CRACR2A: variants seen among roughly 807,000 people sequenced by gnomAD.
The protein encoded by CRACR2A is calcium release activated channel regulator 2A.
A neutral mutation model predicts 90.5 loss-of-function variants in CRACR2A; 79 were observed. The observed-to-expected ratio is 0.87, with a 90% CI of 0.73 to 1.05. The LOEUF (loss-of-function observed/expected upper bound fraction) is 1.05. Among genes scored for constraint, CRACR2A ranks in the 50% least tolerant of loss-of-function variants. The probability of loss-of-function intolerance (pLI) is 0.00; values close to 1 mark genes in which losing one functional copy is unlikely to be tolerated. For missense variants in CRACR2A, 823 were observed against 897.2 expected, an observed-to-expected ratio of 0.92 and a Z score of 1.06; for synonymous variants, 338 against 356.7, an observed-to-expected ratio of 0.95 and a Z score of 0.59.
intron 2 of CRACR2A, among the ~76,000 whole-genome samples, chr12:3,716,772 T>C (rs915855998): frequency 6.6e-6 from 1 of 152,198 alleles, no homozygotes; most frequent in Non-Finnish European, 1.5e-5. Context: ...TTGTTTTTGC[T>C]TCAATTTTAG....
intron 12 of CRACR2A, among the ~76,000 whole-genome samples, chr12:3,643,856 T>TATA (rs1478137267): frequency 5.9e-5 from 4 of 67,352 alleles, no homozygotes; most frequent in East Asian, 4.8e-4. Flanking sequence ...TATTATATAT[T>TATA]TATATTATAT....
chr12:3,710,947 GAC>G (rs1300797672), intron 3 of CRACR2A, among the ~76,000 whole-genome samples: 1 of 152,124 alleles, frequency 6.6e-6, no homozygotes, highest in East Asian at 1.9e-4. Flanking sequence ...GTTTTAAAGT[GAC>G]ACAGTTATTC....
intron 11 of CRACR2A, 66 bp from the exon 12 acceptor site, chr12:3,644,706 A>T (rs1243610723): frequency 6.8e-7 from 1 of 1,462,934 alleles, no homozygotes; most frequent in African/African-American, 1.4e-5. Flanking sequence ...AACGGCAGCC[A>T]ATTTGCTATT....
chr12:3,680,404 T>A (rs1456016462), intron 4 of CRACR2A, 55 bp from the exon 5 acceptor site: 1 of 1,499,912 alleles, frequency 6.7e-7, no homozygotes, highest in East Asian at 2.3e-5. Context: ...GTGGGGGAGG[T>A]GACCTGGGAC....
intron 18 of CRACR2A, 46 bp from the exon 19 acceptor site, chr12:3,617,076 G>A (rs1181967861): frequency 1.4e-6 from 2 of 1,430,652 alleles, no homozygotes; most frequent in Non-Finnish European, 1.9e-6. Context: ...GGAGTGAGAG[G>A]GGATTGTGGG....
intron 18 of CRACR2A, among the ~76,000 whole-genome samples, chr12:3,618,073 T>C (rs1022989220): frequency 6.6e-6 from 1 of 152,006 alleles, no homozygotes; most frequent in Admixed American, 6.6e-5. Flanking sequence ...GAAGACATGA[T>C]TTGCCTTCCT....
At chr12:3,639,757 G>C (rs1944529578) in intron 13 of CRACR2A, among the ~76,000 whole-genome samples, 1 of 152,158 alleles carries the variant, frequency 6.6e-6, no homozygotes, top group African/African-American at 2.4e-5. Flanking sequence ...GGGTGAATTA[G>C]TTTGGATTCC....
At position 3,633,719 on chromosome 12, in the gene CRACR2A, A is replaced by T; in HGVS notation, c.1620T>A (p.Ser540=). Reference sequence around the variant, plus strand: ...CAATCTTGAAGAGCCGGTCAGGGGCAGAGGGAGAGCTTTCCTCCTGTGGAT... The same window carrying T: ...CAATCTTGAAGAGCCGGTCAGGGGCTGAGGGAGAGCTTTCCTCCTGTGGAT... ...EALCKEESSP[S]APDRLFKIVF... Residue 540 remains serine, a synonymous_variant, in exon 15 of 20, where the codon TCT becomes TCA. Transcript: ENST00000440314. This position sits in a 1 kb window ranked among gnomAD's most constrained non-coding sequence, Gnocchi z 4.5. 1 of 1,551,724 alleles carries T rather than the reference A, an allele frequency of 6.4e-7. No individual in the cohort carries two copies. Among genetic ancestry groups the T allele is most frequent in the Non-Finnish European group, 8.7e-7 (1 of 1,146,996 alleles).
At chr12:3,742,899 G>A (rs1347006687) in intron 1 of CRACR2A, among the ~76,000 whole-genome samples, 1 of 152,210 alleles carries the variant, frequency 6.6e-6, no homozygotes, top group African/African-American at 2.4e-5. Flanking sequence ...TATCTGGGGA[G>A]GTCAGCTCTC....
Position 3,721,567 on chromosome 12 carries a change from A to G in CRACR2A, c.-117-8250T>C, listed in dbSNP as rs1946175788. Among the ~76,000 whole-genome samples the G allele has an allele frequency of 2.1e-5, 3 of 145,100 alleles. No homozygotes were observed. The Admixed American group carries it at 2.1e-4, about 10-fold the overall frequency. ...ACCACTGTACTCCAGTCTGGGCAAC[A>G]GAGTCTCAATCATGTCTCAAAAAAA... On this transcript the variant is annotated intron_variant, in intron 2 of 19. Coordinates refer to ENST00000440314, the MANE Select transcript of CRACR2A (RefSeq NM_001144958.2).
intron 17 of CRACR2A, among the ~76,000 whole-genome samples, chr12:3,625,919 A>T (rs1450015729): frequency 6.6e-6 from 1 of 152,140 alleles, no homozygotes; most frequent in Non-Finnish European, 1.5e-5. Context: ...AAAAGTAAAA[A>T]AAAGAACAGA....
intron 4 of CRACR2A, 130 bp downstream of exon 4, chr12:3,696,642 C>T: frequency 4.5e-6 from 6 of 1,348,172 alleles, no homozygotes; most frequent in Non-Finnish European, 6.0e-6. Context: ...TGGGCAGATC[C>T]TTCCTTCCAA....
intron 7 of CRACR2A, among the ~76,000 whole-genome samples, chr12:3,663,221 G>A (rs558974153): frequency 6.1e-4 from 93 of 151,968 alleles, no homozygotes; most frequent in South Asian, 1.5e-3. Flanking sequence ...TTTGGGTACC[G>A]AACTCAGAAG....
chr12:3,697,057 G>A lies in CRACR2A; in HGVS notation c.-36-22C>T, dbSNP rs143620853. Reference sequence around the variant, plus strand: ...GAACCTGAACATAGAAAATGGGAGAGAGAAGTGGGTGTGGTGGGTTGGAGT... The same window carrying A: ...GAACCTGAACATAGAAAATGGGAGAAAGAAGTGGGTGTGGTGGGTTGGAGT... On this transcript the variant is annotated intron_variant, in intron 3 of 19. Transcript: ENST00000440314. 2.1e-4 allele frequency: 323 copies of A among 1,541,208 alleles called. 1 individual carries two copies. In the African/African-American group the frequency reaches 4.0e-3, roughly 19 times the overall value.
intron 1 of CRACR2A, among the ~76,000 whole-genome samples, chr12:3,739,512 C>T (rs1352247641): frequency 2.0e-5 from 3 of 152,196 alleles, no homozygotes; most frequent in Non-Finnish European, 2.9e-5. Flanking sequence ...ACTCCCTTTG[C>T]TTCAGTTCTA....
intron 2 of CRACR2A, among the ~76,000 whole-genome samples, chr12:3,723,435 G>A (rs890289178): frequency 2.0e-5 from 3 of 152,164 alleles, no homozygotes; most frequent in African/African-American, 7.2e-5. Context: ...ATAAATAAGA[G>A]GAGGTCAGTG....
In CRACR2A at chr12:3,638,138, C is replaced by G; in HGVS notation, c.1588G>C (p.Glu530Gln). ...TGTGCCCTTACCTTACACAGGGCTT[C>G]TTTTCCAACAGGCTGCCCTCGGGGG... is the stretch of plus-strand genomic sequence containing the variant. ...TSPRGQPVGK[E>Q]ALCKEESSPS... Residue 530 changes from glutamate (E) to glutamine (Q), a missense_variant, in exon 14 of 20, where the codon GAA (glutamate) becomes CAA (glutamine). Physicochemically the swap from Glu to Gln is conservative, Grantham distance 29 (BLOSUM62 2). Coordinates refer to ENST00000440314, the MANE Select transcript of CRACR2A (RefSeq NM_001144958.2). 9.1e-6 allele frequency: 14 copies of G among 1,545,110 alleles called. No homozygotes were observed. The highest frequency in any genetic ancestry group is 1.2e-5 in the Non-Finnish European group (14 of 1,141,910).
chr12:3,742,420 T>TA (rs1256392466), intron 1 of CRACR2A, among the ~76,000 whole-genome samples: 11 of 152,326 alleles, frequency 7.2e-5, no homozygotes, highest in East Asian at 1.9e-4. Flanking sequence ...CTGTGGTGAT[T>TA]CTAGAGACCT....
At chr12:3,701,416 A>C (rs1216086094) in intron 3 of CRACR2A, among the ~76,000 whole-genome samples, 1 of 152,132 alleles carries the variant, frequency 6.6e-6, no homozygotes, top group African/African-American at 2.4e-5. Flanking sequence ...ACAAAACTAA[A>C]AGCTGGTTCT....
Sources: gnomAD v4.1 joint callset for allele counts (sites outside exome capture counted in the v4.1 genomes callset) on GRCh38, gnomAD v4.1.1 for gene constraint, Gnocchi (gnomAD v3.1) non-coding constraint, MANE v1.5 for transcripts, NCBI Gene and HGNC (gene_info 2026-07-23, HGNC 2026-07-21) for gene names.